Variants in DNAH7 observed in about 807,000 individuals in gnomAD.
DNAH7 encodes dynein axonemal heavy chain 7, also known as axonemal beta dynein heavy chain 7.
DNAH7 carries 397 observed loss-of-function variants against 444.6 expected under a neutral mutation model. The observed-to-expected ratio is 0.89, with a 90% CI of 0.82 to 0.97. The LOEUF (loss-of-function observed/expected upper bound fraction) is 0.97. Ranked by LOEUF, DNAH7 falls within the 50% of genes least tolerant of loss-of-function variation. The pLI, the probability that DNAH7 is intolerant of heterozygous loss-of-function variation, is 0.00. For synonymous variants in DNAH7, 1,636 were observed against 1,624.4 expected, an observed-to-expected ratio of 1.01 and a Z score of -0.17; for missense variants, 4,902 against 4,800.8, an observed-to-expected ratio of 1.02 and a Z score of -0.62.
intron 21 of DNAH7, among the ~76,000 whole-genome samples, chr2:195,928,432 C>T: frequency 6.6e-6 from 1 of 151,992 alleles, no homozygotes; most frequent in East Asian, 1.9e-4. Flanking sequence ...CATAAATTAG[C>T]AAATCATATA....
chr2:195,996,213 T>C (rs1030936855), intron 12 of DNAH7, among the ~76,000 whole-genome samples: 1 of 152,228 alleles, frequency 6.6e-6, no homozygotes, highest in Non-Finnish European at 1.5e-5. Context: ...CACTGACCTT[T>C]GATCTTTGAT....
chr2:195,965,644 C>T (rs1452084159), intron 17 of DNAH7, among the ~76,000 whole-genome samples: 1 of 151,964 alleles, frequency 6.6e-6, no homozygotes, highest in Admixed American at 6.6e-5. Context: ...AATCTTCTTA[C>T]TTGTTGTTGG....
chr2:196,044,397 C>T (rs1001699346), intron 5 of DNAH7, among the ~76,000 whole-genome samples: 3 of 150,582 alleles, frequency 2.0e-5, no homozygotes, highest in Admixed American at 1.3e-4. Flanking sequence ...GCTATGAGGA[C>T]ACAAAGGCAT....
At chr2:195,748,039 G>C (rs1485369459) in intron 63 of DNAH7, among the ~76,000 whole-genome samples, 26 of 152,204 alleles carry the variant, frequency 1.7e-4, no homozygotes, top group South Asian at 4.1e-4. Flanking sequence ...AAGAGGAAGT[G>C]AAATTGTCCC....
rs11434852 is a variant in DNAH7, at chr2:195,825,271, GA to G, written c.9101-827del. Among the ~76,000 whole-genome samples, 536 of 146,540 alleles carry G rather than the reference GA, an allele frequency of 3.7e-3. 3 individuals are homozygous for G. The highest frequency in any genetic ancestry group is 0.013 in the African/African-American group (508 of 39,664). ...ATATCCTGTCTCAAACATAAATAAG[GA>G]AAAAAAAAAAGAAAAATGACACAAA... On this transcript the variant is annotated intron_variant, in intron 48 of 64. Transcript: ENST00000312428.
chr2:195,894,307 G>A (rs1702180867), intron 30 of DNAH7: 1 of 152,040 alleles, frequency 6.6e-6, no homozygotes, highest in Admixed American at 6.5e-5. Flanking sequence ...AGACAAAGTA[G>A]ATCACAACAA....
At chr2:195,902,100 C>G (rs2125270688) in intron 27 of DNAH7, 1 of 152,178 alleles carries the variant, frequency 6.6e-6, no homozygotes, top group South Asian at 2.1e-4. Flanking sequence ...TAAGTACATT[C>G]TGGGAATTAG....
chr2:195,790,438 C>A (rs1695825339), intron 57 of DNAH7, among the ~76,000 whole-genome samples: 1 of 144,696 alleles, frequency 6.9e-6, no homozygotes. Context: ...TACAAGGCTA[C>A]AGTAACCAAA....
At position 195,884,728 on chromosome 2, in the gene DNAH7, G is replaced by A. The variant is rs267599141; in HGVS notation, c.5620C>T (p.Arg1874Ter). Reference sequence around the variant, plus strand: ...GAAATTGGACTTTCCATTAGTTCTCGAAGAATCTTATTAAATTTCAATCGA... The same window carrying A: ...GAAATTGGACTTTCCATTAGTTCTCAAAGAATCTTATTAAATTTCAATCGA... ...DDRLKFNKIL[R>*]ELMESPISDR... Residue 1874 changes from arginine to a stop codon, truncating the protein, a stop_gained, in exon 35 of 65, where the codon CGA becomes TGA. Transcript: ENST00000312428. LOFTEE classifies it high-confidence loss of function. 55 of 1,614,082 alleles carry A rather than the reference G, an allele frequency of 3.4e-5. 1 individual carries two copies. The highest frequency in any genetic ancestry group is 4.5e-5 in the East Asian group (2 of 44,880).
chr2:196,052,506 G>A (rs1178447326), intron 2 of DNAH7, among the ~76,000 whole-genome samples: 3 of 152,244 alleles, frequency 2.0e-5, no homozygotes, highest in Non-Finnish European at 4.4e-5. Context: ...CATATTTTAT[G>A]TTGATTACCA....
chr2:195,856,393 G>T (rs1467867154), intron 44 of DNAH7, among the ~76,000 whole-genome samples: 1 of 152,084 alleles, frequency 6.6e-6, no homozygotes, highest in East Asian at 1.9e-4. Context: ...ACCAAAAACA[G>T]TTATCCTATA....
rs1167637215 is a variant in DNAH7, at chr2:195,987,084, T to C, written c.1736A>G (p.His579Arg). 1.3e-6 allele frequency: 2 copies of C among 1,598,428 alleles called. No individual in the cohort carries two copies. The highest frequency in any genetic ancestry group is 3.6e-5 in the Admixed American group (2 of 55,214). The change falls in exon 14 of 65, where the codon CAT (histidine) becomes CGT (arginine). Residue 579 changes from histidine (H) to arginine (R), a missense_variant. By Grantham distance (29) the His-to-Arg change is conservative (BLOSUM62 0). Transcript: ENST00000312428. ...TAAATACCTTGTATTTACTTCCTGA[T>C]GATCTCTGAACATTTTAGCTAGAAG... ...GKLLAKMFRD[H>R]QEVNTRLCDE...
At chr2:196,043,429 G>T (rs1696899639) in intron 5 of DNAH7, among the ~76,000 whole-genome samples, 1 of 152,036 alleles carries the variant, frequency 6.6e-6, no homozygotes, top group Admixed American at 6.6e-5. Context: ...ATGGATCAAA[G>T]ACTTAAATCT....
In DNAH7 at chr2:195,756,132, C is replaced by A; in HGVS notation, c.11586+1G>T. ...ATATACGATCATTTAGACGAACTTA[C>A]CTGCAAGAATTTTAGTCTTGCAAGG... is the stretch of plus-strand genomic sequence containing the variant. On this transcript the variant is annotated splice_donor_variant, in intron 62 of 64. Transcript: ENST00000312428. LOFTEE classifies it high-confidence loss of function. 6.3e-7 allele frequency: 1 copy of A among 1,593,754 alleles called. No homozygotes were observed. The highest frequency in any genetic ancestry group is 1.1e-5 in the South Asian group (1 of 88,136).
In DNAH7 at chr2:196,036,047, T is replaced by C. The variant is rs200847175; in HGVS notation, c.399-8000A>G. 3.2e-4 allele frequency among the ~76,000 whole-genome samples: 46 copies of C among 144,340 alleles called. 1 individual carries two copies. The highest frequency in any genetic ancestry group is 2.2e-3 in the East Asian group (11 of 4,912). The allele number at this position is 144,340 out of a possible 152,430, so 94.7% of individuals were successfully genotyped here. A position where few individuals can be genotyped will look rare whatever the true frequency, so the allele number is the denominator to read the frequency against. ...ACATTCTTTTTTTTTTTTTTTTTTT[T>C]CCAGGCAGAGTTTCACTCTTGTTGC... On this transcript the variant is annotated intron_variant, in intron 5 of 64. Coordinates refer to ENST00000312428, the MANE Select transcript of DNAH7 (RefSeq NM_018897.3).
At chr2:195,872,120 G>A in intron 40 of DNAH7, 130 bp downstream of exon 40, 1 of 698,532 alleles carries the variant, frequency 1.4e-6, no homozygotes, top group Non-Finnish European at 2.3e-6. Context: ...TCTGAACACT[G>A]GCCTTCAAAA....
intron 4 of DNAH7, 58 bp downstream of exon 4, chr2:196,048,238 G>T: frequency 7.0e-7 from 1 of 1,429,302 alleles, no homozygotes; most frequent in Non-Finnish European, 9.7e-7. Flanking sequence ...ACTAAATATT[G>T]TCTGGTCTCT....
intron 14 of DNAH7, among the ~76,000 whole-genome samples, chr2:195,984,932 T>A (rs1409029195): frequency 6.6e-6 from 1 of 152,180 alleles, no homozygotes; most frequent in Non-Finnish European, 1.5e-5. Context: ...CAGTGACACA[T>A]AAATGAATCA....
At chr2:196,061,699 GGAAA>G (rs943030626) in intron 1 of DNAH7, among the ~76,000 whole-genome samples, 6 of 152,102 alleles carry the variant, frequency 3.9e-5, no homozygotes, top group Non-Finnish European at 8.8e-5. Context: ...AGTGGAGAGT[GGAAA>G]GAGAGATCGG....
Sources: allele counts gnomAD v4.1 joint callset (sites outside exome capture counted in the v4.1 genomes callset), GRCh38; gene constraint gnomAD v4.1.1; transcripts MANE v1.5; gene names NCBI Gene and HGNC (gene_info 2026-07-23, HGNC 2026-07-21).